Variants in NSG2 observed in about 807,000 individuals in gnomAD.
NSG2 encodes the protein neuronal vesicle trafficking associated 2, also known as neuronal vesicle trafficking-associated protein 2.
Under a neutral mutation model 16.9 loss-of-function variants are expected in NSG2, and 4 were observed. That is an observed-to-expected ratio of 0.24 (90% CI 0.12 to 0.54). NSG2 has a LOEUF of 0.54. Among genes scored for constraint, NSG2 ranks in the 20% least tolerant of loss-of-function variants. NSG2 has a pLI of 0.95. For missense variants in NSG2, 179 were observed against 221.1 expected (o/e 0.81, Z 1.21); for synonymous variants, 98 against 88.7 (o/e 1.11, Z -0.59).
At chr5:174,106,888 C>T (rs1220439209) in intron 4 of NSG2, among the ~76,000 whole-genome samples, 7 of 152,028 alleles carry the variant, frequency 4.6e-5, no homozygotes, top group South Asian at 4.2e-4. Context: ...CCACCGCATC[C>T]GGCAAGACTT....
intron 2 of NSG2, among the ~76,000 whole-genome samples, chr5:174,053,173 G>T (rs184225451): frequency 1.4e-4 from 22 of 152,250 alleles, no homozygotes; most frequent in African/African-American, 5.3e-4. Context: ...AGTTTGTTCA[G>T]CCCTAAAACA....
intron 3 of NSG2, among the ~76,000 whole-genome samples, chr5:174,088,649 C>T (rs1403283419): frequency 6.6e-6 from 1 of 152,186 alleles, no homozygotes; most frequent in Non-Finnish European, 1.5e-5. Context: ...TGTTCCTTCT[C>T]CCAGATCCTT....
At chr5:174,102,094 A>T (rs1442874142) in intron 3 of NSG2, among the ~76,000 whole-genome samples, 2 of 152,204 alleles carry the variant, frequency 1.3e-5, no homozygotes, top group Middle Eastern at 3.2e-3. Context: ...TGGTGTCAAC[A>T]GTAGCTTAAA....
intron 3 of NSG2, among the ~76,000 whole-genome samples, chr5:174,069,580 T>C (rs1760200483): frequency 6.6e-6 from 1 of 152,214 alleles, no homozygotes; most frequent in African/African-American, 2.4e-5. Flanking sequence ...TAATAATGAA[T>C]AGTCTGTCTT....
Position 174,072,155 on chromosome 5 carries a change from G to A in NSG2, c.213+7840G>A, listed in dbSNP as rs2113444775. 6.6e-6 allele frequency among the ~76,000 whole-genome samples: 1 copy of A among 152,228 alleles called. No individual in the cohort carries two copies. The highest frequency in any genetic ancestry group is 1.9e-4 in the East Asian group (1 of 5,182). ...TCTCTGTTCTCACTCCAACACTCTG[G>A]TTCAACCCACATCACCACCTGTCCC... On this transcript the variant is annotated intron_variant, in intron 3 of 4. Coordinates refer to ENST00000303177, the MANE Select transcript of NSG2 (RefSeq NM_015980.5). The surrounding 1 kb of genome is among the most constrained non-coding windows in gnomAD (Gnocchi z 4.0).
chr5:174,098,845 G>A (rs888597427), intron 3 of NSG2, among the ~76,000 whole-genome samples: 2 of 152,186 alleles, frequency 1.3e-5, no homozygotes, highest in Admixed American at 1.3e-4. Context: ...GGTGAGGACT[G>A]TGCCTGTAAT....
chr5:174,085,895 C>T (rs561598870), intron 3 of NSG2, among the ~76,000 whole-genome samples: 30 of 152,334 alleles, frequency 2.0e-4, no homozygotes, highest in African/African-American at 7.2e-4. Context: ...ATGACATCTT[C>T]GTCAAACCGT....
intron 3 of NSG2, among the ~76,000 whole-genome samples, chr5:174,078,801 G>A (rs1213949464): frequency 6.6e-6 from 1 of 152,160 alleles, no homozygotes; most frequent in African/African-American, 2.4e-5. Flanking sequence ...ACCAGAAAGT[G>A]GGCCCATCCC....
intron 3 of NSG2, among the ~76,000 whole-genome samples, chr5:174,068,440 T>A (rs1425365294): frequency 1.3e-5 from 2 of 152,220 alleles, no homozygotes; most frequent in Non-Finnish European, 2.9e-5. Context: ...TTTCTTAATC[T>A]GAGAGCAAGG....
chr5:174,090,317 G>A (rs1760701746), intron 3 of NSG2, among the ~76,000 whole-genome samples: 1 of 152,226 alleles, frequency 6.6e-6, no homozygotes, highest in Non-Finnish European at 1.5e-5. Flanking sequence ...GAGTCATGGA[G>A]GATGCGCTTC....
intron 2 of NSG2, among the ~76,000 whole-genome samples, chr5:174,063,821 A>G (rs1760096229): frequency 6.6e-6 from 1 of 152,176 alleles, no homozygotes; most frequent in South Asian, 2.1e-4. Context: ...ACACACATGC[A>G]GTGAAATGTT....
chr5:174,099,290 G>T (rs953326938), intron 3 of NSG2, among the ~76,000 whole-genome samples: 12 of 152,132 alleles, frequency 7.9e-5, no homozygotes, highest in Non-Finnish European at 1.6e-4. Context: ...AATCCAGAAA[G>T]CTCACCAGTG....
chr5:174,077,486 C>T (rs1362389909), intron 3 of NSG2, among the ~76,000 whole-genome samples: 4 of 152,160 alleles, frequency 2.6e-5, no homozygotes, highest in Admixed American at 2.0e-4. Flanking sequence ...AATTACCTGT[C>T]GAATTCTCGA....
At chr5:174,052,239 C>A (rs1284525479) in intron 2 of NSG2, among the ~76,000 whole-genome samples, 1 of 152,130 alleles carries the variant, frequency 6.6e-6, no homozygotes, top group Non-Finnish European at 1.5e-5. Flanking sequence ...AATGGGAGGT[C>A]TGACACCAGT....
intron 4 of NSG2, 65 bp downstream of exon 4, chr5:174,104,403 C>T: frequency 8.8e-7 from 1 of 1,131,966 alleles, no homozygotes; most frequent in Non-Finnish European, 1.3e-6. Context: ...TCAATGTCTT[C>T]TCTTCACTGG....
At chr5:174,080,537 C>CTT (rs1760439332) in intron 3 of NSG2, among the ~76,000 whole-genome samples, 13 of 132,648 alleles carry the variant, frequency 9.8e-5, no homozygotes, top group African/African-American at 4.1e-4. Flanking sequence ...CTCTCTCTCT[C>CTT]TCTCTCTCTC....
chr5:174,072,663 C>T lies in NSG2; in HGVS notation c.213+8348C>T, dbSNP rs1269350166. Reference sequence around the variant, plus strand: ...CCTAAGAAGCTAGCCAGCACCTGGCCGGATGAAGCAGTAAAAAATGCCCTT... The same window carrying T: ...CCTAAGAAGCTAGCCAGCACCTGGCTGGATGAAGCAGTAAAAAATGCCCTT... On this transcript the variant is annotated intron_variant, in intron 3 of 4. Coordinates refer to ENST00000303177, the MANE Select transcript of NSG2 (RefSeq NM_015980.5). This position sits in a 1 kb window ranked among gnomAD's most constrained non-coding sequence, Gnocchi z 4.0. Among the ~76,000 whole-genome samples, 1 of 152,136 alleles carries T rather than the reference C, an allele frequency of 6.6e-6. No individual in the cohort carries two copies. Among genetic ancestry groups the T allele is most frequent in the African/African-American group, 2.4e-5 (1 of 41,418 alleles).
chr5:174,048,708 C>G (rs572403738), intron 2 of NSG2, among the ~76,000 whole-genome samples: 2 of 152,182 alleles, frequency 1.3e-5, no homozygotes, highest in East Asian at 1.9e-4. Context: ...CTCTGTCCCC[C>G]CTTACTCTCC....
chr5:174,082,565 G>A (rs1760501122), intron 3 of NSG2: 2 of 152,312 alleles, frequency 1.3e-5, no homozygotes, highest in African/African-American at 4.8e-5. Context: ...GCTCTGTGGG[G>A]TGTGGCTCTG....
Sources: allele counts gnomAD v4.1 joint callset (sites outside exome capture counted in the v4.1 genomes callset), GRCh38; gene constraint gnomAD v4.1.1; non-coding constraint Gnocchi (gnomAD v3.1); transcripts MANE v1.5; gene names NCBI Gene and HGNC (gene_info 2026-07-23, HGNC 2026-07-21).